SH3GLB2: variants seen among roughly 807,000 people sequenced by gnomAD.
SH3GLB2 encodes endophilin-B2.
SH3GLB2 carries 24 observed loss-of-function variants against 48.0 expected under a neutral mutation model. The ratio of observed to expected loss-of-function variants is 0.50; its 90% CI spans 0.36 to 0.70. The LOEUF (loss-of-function observed/expected upper bound fraction) is 0.70. SH3GLB2 is among the 30% of genes least tolerant of loss of function. SH3GLB2 has a pLI of 0.00. For missense variants in SH3GLB2, 425 were observed against 516.0 expected (o/e 0.82, Z 1.71); for synonymous variants, 227 against 207.6 (o/e 1.09, Z -0.80).
chr9:129,021,044 G>C, intron 3 of SH3GLB2, 47 bp downstream of exon 3: 1 of 1,443,792 alleles, frequency 6.9e-7, no homozygotes, highest in Non-Finnish European at 9.2e-7. Context: ...GGGAGAATCA[G>C]AGCTAAAGAC....
At chr9:129,009,442 C>T (rs765077181) in intron 9 of SH3GLB2, 96 bp from the exon 10 acceptor site, 23 of 1,549,878 alleles carry the variant, frequency 1.5e-5, no homozygotes, top group African/African-American at 4.1e-5. Context: ...ACTCCAGCCC[C>T]GGCTACTCAC....
intron 3 of SH3GLB2, 78 bp downstream of exon 3, chr9:129,021,013 T>TA (rs898677708): frequency 3.9e-5 from 52 of 1,325,086 alleles, no homozygotes; most frequent in South Asian, 6.9e-5. Flanking sequence ...TTTTTTTAAG[T>TA]AAAAAAAAGG....
chr9:129,028,257 G>T lies in SH3GLB2; in HGVS notation c.-103C>A. The stretch of plus-strand genomic sequence containing the variant: ...CCCGCCCACCTGCTGCGGGGCACCA[G>T]CCCTCCGCGCACCCGCCTGCCGGCC... On this transcript the variant is annotated 5_prime_UTR_variant, in exon 1 of 11. In the 5' UTR this introduces an upstream ATG that the reference lacks. Coordinates refer to ENST00000372564, the MANE Select transcript of SH3GLB2 (RefSeq NM_020145.4). 1.4e-6 allele frequency: 1 copy of T among 728,062 alleles called. No individual in the cohort carries two copies. Among genetic ancestry groups the T allele is most frequent in the Non-Finnish European group, 1.7e-6 (1 of 592,942 alleles). 45.1% of individuals were successfully genotyped at this position (728,062 alleles called of 1,614,324 possible). A position where few individuals can be genotyped will look rare whatever the true frequency, so the allele number is the denominator to read the frequency against.
At chr9:129,018,391 C>T (rs958158581) in intron 3 of SH3GLB2, among the ~76,000 whole-genome samples, 1 of 140,150 alleles carries the variant, frequency 7.1e-6, no homozygotes, top group Non-Finnish European at 1.6e-5. Flanking sequence ...GCCTGGCCAA[C>T]ATGGTGAGAC....
intron 3 of SH3GLB2, 104 bp downstream of exon 3, chr9:129,020,987 A>AT: frequency 8.3e-7 from 1 of 1,201,412 alleles, no homozygotes; most frequent in Non-Finnish European, 1.1e-6. Flanking sequence ...GAATTCAGGT[A>AT]TTATTTGTAT....
intron 2 of SH3GLB2, among the ~76,000 whole-genome samples, chr9:129,021,954 A>C (rs1588334412): frequency 7.4e-6 from 1 of 135,456 alleles, no homozygotes; most frequent in Non-Finnish European, 1.6e-5. Context: ...GCAAGACTCC[A>C]CCTCAAAAAA....
chr9:129,025,850 C>G (rs7870053), intron 1 of SH3GLB2, among the ~76,000 whole-genome samples: 52,456 of 151,366 alleles, frequency 0.35, 11,108 homozygotes, highest in Non-Finnish European at 0.46. Context: ...GCATCCATCC[C>G]ATGTCCACTG....
chr9:129,010,624 C>T (rs577643541), intron 7 of SH3GLB2, 46 bp downstream of exon 7: 114 of 1,608,814 alleles, frequency 7.1e-5, no homozygotes, highest in Non-Finnish European at 8.8e-5. Context: ...GCCTGCACCC[C>T]GCCACCCCTT....
intron 6 of SH3GLB2, 186 bp downstream of exon 6, chr9:129,012,050 G>A (rs1020870131): frequency 1.4e-4 from 55 of 405,776 alleles, no homozygotes; most frequent in South Asian, 2.7e-4. Context: ...ACAGGGCACC[G>A]GGGCCAGGCC....
intron 3 of SH3GLB2, among the ~76,000 whole-genome samples, chr9:129,020,605 C>T (rs1429822693): frequency 2.0e-5 from 3 of 151,706 alleles, no homozygotes; most frequent in South Asian, 2.1e-4. Context: ...CGGTGGCTCA[C>T]GCCTGTAATC....
Position 129,028,187 on chromosome 9 carries a change from A to G in SH3GLB2, c.-33T>C. 3.0e-6 allele frequency: 4 copies of G among 1,326,074 alleles called. No homozygotes were observed. The highest frequency in any genetic ancestry group is 3.9e-6 in the Non-Finnish European group (4 of 1,032,756). The allele number at this position is 1,326,074 out of a possible 1,614,324, so 82.1% of individuals were successfully genotyped here. ...CCGCACGGCCGCCGCGCACGGCCCG[A>G]GCGCAGCCGGCAGCCCCCGGCCCAG... On this transcript the variant is annotated 5_prime_UTR_variant, in exon 1 of 11. Coordinates refer to ENST00000372564, the MANE Select transcript of SH3GLB2 (RefSeq NM_020145.4).
rs1842944650 is a variant in SH3GLB2, at chr9:129,009,228, G to A, written c.958C>T (p.Pro320Ser). The change falls in exon 10 of 11, where the codon CCG becomes TCG. Residue 320 changes from proline (P) to serine (S), a missense_variant. Physicochemically the swap from Pro to Ser is moderately conservative, Grantham distance 74. Transcript: ENST00000372564. ...TCCAGGCAGAGCGAGGCCTCCCCCG[G>A]AGGGGCCAGGCTGGCCACAGAGGGC... The part of the protein sequence containing the change: ...VVPSVASLAP[P>S]GEASLCLEEV... 9 of 1,600,572 alleles carry A rather than the reference G, an allele frequency of 5.6e-6. No individual in the cohort carries two copies. Among genetic ancestry groups the A allele is most frequent in the African/African-American group, 2.7e-5 (2 of 74,794 alleles).
rs1176837685 is a variant in SH3GLB2 at position 129,010,181 on chromosome 9, G to A, written c.677C>T (p.Thr226Ile). 6.2e-7 allele frequency: 1 copy of A among 1,613,982 alleles called. No individual in the cohort carries two copies. The highest frequency in any genetic ancestry group is 1.7e-5 in the Admixed American group (1 of 60,020). The change falls in exon 8 of 11, where the codon ACA (threonine) becomes ATA (isoleucine). Residue 226 changes from threonine (T) to isoleucine (I), a missense_variant. Coordinates refer to ENST00000372564, the MANE Select transcript of SH3GLB2 (RefSeq NM_020145.4). Reference sequence around the variant, plus strand: ...CACTTCTGCTTGCCGGTCAAACTCTGTCTGGGCCACGCGGAGCTCCTGCTC... The same window carrying A: ...CACTTCTGCTTGCCGGTCAAACTCTATCTGGGCCACGCGGAGCTCCTGCTC... ...KAEQELRVAQ[T>I]EFDRQAEVTR...
intron 3 of SH3GLB2, among the ~76,000 whole-genome samples, chr9:129,016,975 T>G (rs10819458): frequency 7.2e-6 from 1 of 139,694 alleles, no homozygotes; most frequent in African/African-American, 2.7e-5. Context: ...TTTTTTTTGG[T>G]CTCACTCTGT....
At chr9:129,019,708 C>CAA (rs1216460109) in intron 3 of SH3GLB2, among the ~76,000 whole-genome samples, 3 of 57,838 alleles carry the variant, frequency 5.2e-5, no homozygotes, top group East Asian at 5.4e-4. Flanking sequence ...GACTCTGCCT[C>CAA]AAAAAAAAAA....
rs142255025 is a variant in SH3GLB2, at chr9:129,021,096, G to C, written c.329C>G (p.Pro110Arg). ...DAASELGPTT[P>R]YGKTLIKVAE... ...TGGCTGTGAGGCCTGCTCACCATAG[G>C]GGGTGGTCGGCCCCAGCTCACTGGC... is the stretch of plus-strand genomic sequence containing the variant. Residue 110 changes from proline to arginine, a missense_variant, in exon 3 of 11, where the codon CCC becomes CGC. By Grantham distance (103) the Pro-to-Arg change is moderately radical. Coordinates refer to ENST00000372564, the MANE Select transcript of SH3GLB2 (RefSeq NM_020145.4). 9 of 1,607,904 alleles carry C rather than the reference G, an allele frequency of 5.6e-6. No homozygotes were observed. Among genetic ancestry groups the C allele is most frequent in the Admixed American group, 5.0e-5 (3 of 59,542 alleles).
intron 6 of SH3GLB2, chr9:129,010,932 A>G (rs1843084461): frequency 1.7e-6 from 1 of 580,670 alleles, no homozygotes; most frequent in Non-Finnish European, 3.1e-6. Context: ...AGTCCTGCTT[A>G]TATTTCTCCT....
At chr9:129,027,870 C>G (rs1053369666) in intron 1 of SH3GLB2, among the ~76,000 whole-genome samples, 2 of 152,254 alleles carry the variant, frequency 1.3e-5, no homozygotes, top group Non-Finnish European at 2.9e-5. Context: ...GGGTGGGCAC[C>G]GGTGCCTCGC....
In SH3GLB2 at chr9:129,014,684, C is replaced by A; in HGVS notation, c.468+87G>T. The A allele has an allele frequency of 6.4e-7, 1 of 1,554,856 alleles. No homozygotes were observed. ...GGAGGCCTCAGGAGTTTTGTAGCCCCAGCACTGGAAGAGAGCCTGTACTCA... is the reference window on the plus strand; with the variant it reads ...GGAGGCCTCAGGAGTTTTGTAGCCCAAGCACTGGAAGAGAGCCTGTACTCA... On this transcript the variant is annotated intron_variant, in intron 4 of 10. Transcript: ENST00000372564. The surrounding 1 kb of genome is among the most constrained non-coding windows in gnomAD (Gnocchi z 4.1).
Sources: gnomAD v4.1 joint callset for allele counts (sites outside exome capture counted in the v4.1 genomes callset) on GRCh38, gnomAD v4.1.1 for gene constraint, Gnocchi (gnomAD v3.1) non-coding constraint, MANE v1.5 for transcripts, NCBI Gene and HGNC (gene_info 2026-07-23, HGNC 2026-07-21) for gene names.